PPP4R1: variants seen among roughly 807,000 people sequenced by gnomAD.
The protein encoded by PPP4R1 is protein phosphatase 4 regulatory subunit 1, also known as serine/threonine-protein phosphatase 4 regulatory subunit 1.
PPP4R1 carries 42 observed loss-of-function variants against 111.2 expected under a neutral mutation model. The observed-to-expected ratio is 0.38, with a 90% CI of 0.29 to 0.49. The LOEUF (loss-of-function observed/expected upper bound fraction) is 0.49. Ranked by LOEUF, PPP4R1 falls within the 20% of genes least tolerant of loss-of-function variation. The probability of loss-of-function intolerance (pLI) is 0.97; values close to 1 mark genes in which losing one functional copy is unlikely to be tolerated. For missense variants in PPP4R1, 1,012 were observed against 1,161.6 expected (o/e 0.87, Z 1.87); for synonymous variants, 409 against 405.5 (o/e 1.01, Z -0.10).
At chr18:9,599,041 A>C (rs994981398) in intron 2 of PPP4R1, among the ~76,000 whole-genome samples, 2 of 152,062 alleles carry the variant, frequency 1.3e-5, no homozygotes, top group Admixed American at 6.5e-5. Context: ...AAAGAAAGAA[A>C]GAAAAAAAAA....
At chr18:9,608,211 T>C (rs2067517423) in intron 2 of PPP4R1, among the ~76,000 whole-genome samples, 1 of 152,214 alleles carries the variant, frequency 6.6e-6, no homozygotes, top group African/African-American at 2.4e-5. Flanking sequence ...GCAAAAAAAC[T>C]GCAGATGATC....
At chr18:9,558,537 A>G (rs329021) in intron 14 of PPP4R1, among the ~76,000 whole-genome samples, 81,791 of 151,832 alleles carry the variant, frequency 0.54, 22,240 homozygotes, top group Middle Eastern at 0.65. Context: ...CCCTGGGCCC[A>G]GCTTTCCTAA....
At chr18:9,555,183 C>T (rs1176487645) in intron 15 of PPP4R1, among the ~76,000 whole-genome samples, 1 of 151,910 alleles carries the variant, frequency 6.6e-6, no homozygotes, top group Non-Finnish European at 1.5e-5. Flanking sequence ...CGCCTGTGGC[C>T]CCAGCTACTC....
chr18:9,583,419 T>A, intron 8 of PPP4R1, 144 bp from the exon 9 acceptor site: 1 of 857,734 alleles, frequency 1.2e-6, no homozygotes. Context: ...CAGGCTGGAG[T>A]GAGGTGGTGC....
chr18:9,577,534 G>A (rs1392943716), intron 9 of PPP4R1, among the ~76,000 whole-genome samples: 2 of 152,032 alleles, frequency 1.3e-5, no homozygotes, highest in Non-Finnish European at 2.9e-5. Context: ...GCGTGGTGGC[G>A]CATGCCTGTG....
At chr18:9,549,084 C>A (rs2066447017) in intron 19 of PPP4R1, 113 bp downstream of exon 19, 1 of 1,323,532 alleles carries the variant, frequency 7.6e-7, no homozygotes, top group East Asian at 2.3e-5. Context: ...TTCCTTCCAC[C>A]AGATTATTTT....
intron 8 of PPP4R1, 101 bp downstream of exon 8, chr18:9,584,414 G>A: frequency 3.1e-6 from 3 of 983,362 alleles, no homozygotes; most frequent in Non-Finnish European, 4.3e-6. Flanking sequence ...TATATTCATG[G>A]AATTGTGTTA....
At chr18:9,595,250 CAA>C in intron 2 of PPP4R1, 97 bp from the exon 3 acceptor site, 5 of 1,096,606 alleles carry the variant, frequency 4.6e-6, no homozygotes, top group South Asian at 3.9e-5. Context: ...TGGAATGGTA[CAA>C]AAAAAAAATC....
At chr18:9,549,062 C>T (rs1170312855) in intron 19 of PPP4R1, 135 bp downstream of exon 19, 13 of 1,144,596 alleles carry the variant, frequency 1.1e-5, no homozygotes, top group Non-Finnish European at 1.6e-5. Flanking sequence ...ATCACCGGAA[C>T]AACTAAAGTA....
At chr18:9,556,478 C>A (rs1440259317) in intron 15 of PPP4R1, among the ~76,000 whole-genome samples, 1 of 152,142 alleles carries the variant, frequency 6.6e-6, no homozygotes, top group Non-Finnish European at 1.5e-5. Context: ...CAGGCGTGAG[C>A]CACTGTGCCC....
At chr18:9,602,979 A>G (rs2067417022) in intron 2 of PPP4R1, among the ~76,000 whole-genome samples, 1 of 152,214 alleles carries the variant, frequency 6.6e-6, no homozygotes, top group African/African-American at 2.4e-5. Flanking sequence ...TTTAAGACAC[A>G]GTGATAATGT....
chr18:9,561,370 C>T (rs974238998), intron 13 of PPP4R1, among the ~76,000 whole-genome samples: 7 of 152,050 alleles, frequency 4.6e-5, no homozygotes, highest in Non-Finnish European at 1.0e-4. Context: ...TGCCTTCTTA[C>T]GATGGAGACC....
At chr18:9,553,731 C>T (rs2066524926) in intron 15 of PPP4R1, among the ~76,000 whole-genome samples, 1 of 152,244 alleles carries the variant, frequency 6.6e-6, no homozygotes, top group Admixed American at 6.5e-5. Flanking sequence ...CATATGACAT[C>T]CTTGTTGCCA....
At chr18:9,569,457 T>C (rs1012061987) in intron 11 of PPP4R1, among the ~76,000 whole-genome samples, 8 of 152,172 alleles carry the variant, frequency 5.3e-5, no homozygotes, top group African/African-American at 1.9e-4. Flanking sequence ...TGACTGCGTG[T>C]ACTGCTATCT....
chr18:9,556,003 A>AAAC (rs147196480), intron 15 of PPP4R1, among the ~76,000 whole-genome samples: 3 of 38,516 alleles, frequency 7.8e-5, no homozygotes, highest in African/African-American at 1.5e-4. Context: ...CAAACAAAAA[A>AAAC]ACACAAAATC....
intron 15 of PPP4R1, among the ~76,000 whole-genome samples, chr18:9,556,066 C>T (rs893667972): frequency 6.6e-6 from 1 of 151,458 alleles, no homozygotes; most frequent in African/African-American, 2.4e-5. Flanking sequence ...GAGGCTGAGG[C>T]AGGAGAATTG....
Position 9,614,098 on chromosome 18 carries a change from C to G in PPP4R1, c.52+128G>C, listed in dbSNP as rs71360847. On this transcript the variant is annotated intron_variant, in intron 2 of 19. Transcript: ENST00000400556. The surrounding 1 kb of genome is among the most constrained non-coding windows in gnomAD (Gnocchi z 4.1). ...TTTTCCCCCCCGATCGCCACCCCAGCCCGCCTGGGGCCGCCCTCGCCCACC... is the reference window on the plus strand; with the variant it reads ...TTTTCCCCCCCGATCGCCACCCCAGGCCGCCTGGGGCCGCCCTCGCCCACC... 225,014 of 816,194 alleles carry G rather than the reference C, an allele frequency of 0.28. 33,471 individuals carry two copies. Among genetic ancestry groups the G allele is most frequent in the Non-Finnish European group, 0.29 (180,292 of 625,596 alleles). The allele number at this position is 816,194 out of a possible 1,614,324, so 50.6% of individuals were successfully genotyped here.
rs767799210 is a variant in PPP4R1 at position 9,570,258 on chromosome 18, C to A, written c.1472G>T (p.Gly491Val). 2 of 1,610,150 alleles carry A rather than the reference C, an allele frequency of 1.2e-6. No individual in the cohort carries two copies. The highest frequency in any genetic ancestry group is 2.2e-5 in the East Asian group (1 of 44,818). Reference protein sequence around the residue: ...SPEGPEEESEGPVPSSPNITM... With the variant: ...SPEGPEEESEVPVPSSPNITM... The stretch of plus-strand genomic sequence containing the variant: ...GATGTTTGGAGAACTGGGCACAGGG[C>A]CCTCAGATTCTTCCTCTGGTCCCTC... The change falls in exon 11 of 20, where the codon GGC becomes GTC. Residue 491 changes from glycine to valine, a missense_variant. By Grantham distance (109) the Gly-to-Val change is moderately radical (BLOSUM62 -3). Around this residue, in one of 2 missense-constraint regions of PPP4R1, gnomAD observed 707 missense variants for 742.1 expected, o/e 0.95. Coordinates refer to ENST00000400556, the MANE Select transcript of PPP4R1 (RefSeq NM_001042388.3).
intron 15 of PPP4R1, among the ~76,000 whole-genome samples, chr18:9,555,765 A>G (rs2066562791): frequency 6.6e-6 from 1 of 152,242 alleles, no homozygotes; most frequent in East Asian, 1.9e-4. Context: ...AAGAAAGATA[A>G]CATTTAAATT....
Sources: gnomAD v4.1 joint callset for allele counts (sites outside exome capture counted in the v4.1 genomes callset) on GRCh38, gnomAD v4.1.1 for gene constraint, gnomAD v4.1.1 regional missense constraint, Gnocchi (gnomAD v3.1) non-coding constraint, MANE v1.5 for transcripts, NCBI Gene and HGNC (gene_info 2026-07-23, HGNC 2026-07-21) for gene names.